The following ARMC8 variants were observed in gnomAD, a reference collection of about 807,000 sequenced individuals.
The protein encoded by ARMC8 is armadillo repeat containing 8, also known as armadillo repeat-containing protein 8.
ARMC8 carries 20 observed loss-of-function variants against 99.3 expected under a neutral mutation model. That is an observed-to-expected ratio of 0.20 (90% CI 0.14 to 0.29). ARMC8 has a LOEUF of 0.29. ARMC8 is among the 10% of genes least tolerant of loss of function. The pLI is 1.00. For missense variants in ARMC8, 569 were observed against 809.5 expected (o/e 0.70, Z 3.60); for synonymous variants, 263 against 278.3 (o/e 0.95, Z 0.55).
intron 1 of ARMC8, among the ~76,000 whole-genome samples, chr3:138,202,963 A>G (rs1444805789): frequency 1.3e-5 from 2 of 152,216 alleles, no homozygotes; most frequent in Non-Finnish European, 2.9e-5. Context: ...CTACCTGAAT[A>G]AATTTTTTTC....
At position 138,297,933 on chromosome 3, in the gene ARMC8, T is replaced by G. The variant is rs1490937090; in HGVS notation, c.*2041T>G. 6.6e-6 allele frequency: 1 copy of G among 152,236 alleles called. No homozygotes were observed. Among genetic ancestry groups the G allele is most frequent in the African/African-American group, 2.4e-5 (1 of 41,466 alleles). The allele number at this position is 152,236 out of a possible 1,614,324, so 9.4% of individuals were successfully genotyped here. A position where few individuals can be genotyped will look rare whatever the true frequency, so the allele number is the denominator to read the frequency against. ...TTGAACCCAAATAGCATTAGAAAGCTGAAGGCCCAATGAAATAACACTTTC... is the reference window on the plus strand; with the variant it reads ...TTGAACCCAAATAGCATTAGAAAGCGGAAGGCCCAATGAAATAACACTTTC... On this transcript the variant is annotated 3_prime_UTR_variant, in exon 22 of 22. Coordinates refer to ENST00000469044, the MANE Select transcript of ARMC8 (RefSeq NM_001363941.2).
At chr3:138,262,173 C>T (rs1168354568) in intron 12 of ARMC8, 1 of 174,924 alleles carries the variant, frequency 5.7e-6, no homozygotes, top group Non-Finnish European at 1.2e-5. Context: ...CTGAGCAGGA[C>T]ATCCATGCCA....
chr3:138,229,574 T>A (rs2045932646), intron 6 of ARMC8, among the ~76,000 whole-genome samples: 1 of 152,138 alleles, frequency 6.6e-6, no homozygotes, highest in African/African-American at 2.4e-5. Flanking sequence ...CTACCAGCAA[T>A]GTGTGATCAT....
intron 12 of ARMC8, among the ~76,000 whole-genome samples, chr3:138,254,929 G>T (rs1391141909): frequency 3.3e-5 from 5 of 152,128 alleles, no homozygotes; most frequent in Admixed American, 6.5e-5. Flanking sequence ...ATGAAATGTA[G>T]AAACTTAAGA....
At chr3:138,202,059 C>T (rs1042497754) in intron 1 of ARMC8, among the ~76,000 whole-genome samples, 9 of 152,142 alleles carry the variant, frequency 5.9e-5, no homozygotes, top group Non-Finnish European at 1.3e-4. Context: ...CATTTAAAAT[C>T]GAACTTTTGT....
At chr3:138,264,061 T>TG (rs1473898511) in intron 13 of ARMC8, 70 bp from the exon 14 acceptor site, 12 of 1,411,848 alleles carry the variant, frequency 8.5e-6, no homozygotes, top group Non-Finnish European at 1.2e-5. Context: ...CATTGTAAAA[T>TG]GCCAGCCAGT....
intron 10 of ARMC8, among the ~76,000 whole-genome samples, 161 bp downstream of exon 10, chr3:138,239,689 A>G (rs1341210778): frequency 1.3e-5 from 2 of 152,186 alleles, no homozygotes; most frequent in Non-Finnish European, 2.9e-5. Context: ...TGGATGTCAT[A>G]TAGTTTTTAA....
intron 20 of ARMC8, 55 bp downstream of exon 20, chr3:138,289,175 C>A: frequency 7.1e-7 from 1 of 1,411,848 alleles, no homozygotes; most frequent in Non-Finnish European, 9.9e-7. Flanking sequence ...GTGTCTTGCA[C>A]AGGGAAGCTA....
At chr3:138,213,762 T>G (rs1263930844) in intron 2 of ARMC8, among the ~76,000 whole-genome samples, 1 of 152,232 alleles carries the variant, frequency 6.6e-6, no homozygotes, top group Non-Finnish European at 1.5e-5. Flanking sequence ...CATATGATTT[T>G]GTAAATCATG....
intron 2 of ARMC8, among the ~76,000 whole-genome samples, chr3:138,214,625 TA>T (rs1224896716): frequency 6.6e-6 from 1 of 152,206 alleles, no homozygotes; most frequent in Non-Finnish European, 1.5e-5. Flanking sequence ...AAAAATCATT[TA>T]AAAAATTTCT....
At chr3:138,219,615 T>A (rs1376398331) in intron 2 of ARMC8, among the ~76,000 whole-genome samples, 1 of 152,246 alleles carries the variant, frequency 6.6e-6, no homozygotes, top group African/African-American at 2.4e-5. Context: ...TGATTTTAAT[T>A]CTTCATGGAA....
chr3:138,290,429 G>T, intron 20 of ARMC8, 117 bp from the exon 21 acceptor site: 1 of 722,012 alleles, frequency 1.4e-6, no homozygotes, highest in Non-Finnish European at 2.3e-6. Flanking sequence ...TAGAGGACAA[G>T]GGGTACAGGA....
At chr3:138,247,583 T>A (rs528991584) in intron 12 of ARMC8, among the ~76,000 whole-genome samples, 1 of 152,168 alleles carries the variant, frequency 6.6e-6, no homozygotes, top group Non-Finnish European at 1.5e-5. Context: ...AGTGCCCTAT[T>A]ATGGCCAGTT....
intron 2 of ARMC8, among the ~76,000 whole-genome samples, chr3:138,219,409 G>A (rs1429134763): frequency 6.6e-6 from 1 of 152,192 alleles, no homozygotes; most frequent in Admixed American, 6.5e-5. Context: ...GATGACCTGG[G>A]GGTTTCAGGG....
At chr3:138,224,544 G>A (rs1035037603) in intron 5 of ARMC8, among the ~76,000 whole-genome samples, 1 of 152,224 alleles carries the variant, frequency 6.6e-6, no homozygotes, top group Non-Finnish European at 1.5e-5. Context: ...GAGGCCAGGA[G>A]TTCGAGACCA....
At chr3:138,280,700 GC>G (rs2049817683) in intron 18 of ARMC8, among the ~76,000 whole-genome samples, 1 of 151,760 alleles carries the variant, frequency 6.6e-6, no homozygotes, top group African/African-American at 2.4e-5. Context: ...CACCATGTTG[GC>G]CAAGCTGGTC....
At chr3:138,208,673 G>A (rs1256754058) in intron 1 of ARMC8, among the ~76,000 whole-genome samples, 3 of 152,014 alleles carry the variant, frequency 2.0e-5, no homozygotes, top group Non-Finnish European at 2.9e-5. Flanking sequence ...TGCTAACGGC[G>A]GGGGAGTATA....
intron 18 of ARMC8, among the ~76,000 whole-genome samples, chr3:138,279,038 T>C (rs1234118269): frequency 6.6e-6 from 1 of 152,228 alleles, no homozygotes; most frequent in Non-Finnish European, 1.5e-5. Flanking sequence ...TGTTTCATTG[T>C]CTAGCTAGAA....
At position 138,297,652 on chromosome 3, in the gene ARMC8, T is replaced by G. The variant is rs921169783; in HGVS notation, c.*1760T>G. ...GATTCAAACACAGAGACTTCCAAGTTACTATTTTTTCAGAACATCACCGAT... is the reference window on the plus strand; with the variant it reads ...GATTCAAACACAGAGACTTCCAAGTGACTATTTTTTCAGAACATCACCGAT... On this transcript the variant is annotated 3_prime_UTR_variant, in exon 22 of 22. Transcript: ENST00000469044. 2 of 152,240 alleles carry G rather than the reference T, an allele frequency of 1.3e-5. No homozygotes were observed. The highest frequency in any genetic ancestry group is 6.5e-5 in the Admixed American group (1 of 15,288). The allele number at this position is 152,240 out of a possible 1,614,324, so 9.4% of individuals were successfully genotyped here.
Sources: gnomAD v4.1 joint callset for allele counts (sites outside exome capture counted in the v4.1 genomes callset) on GRCh38, gnomAD v4.1.1 for gene constraint, MANE v1.5 for transcripts, NCBI Gene and HGNC (gene_info 2026-07-23, HGNC 2026-07-21) for gene names.